ROBO2: variants seen among roughly 807,000 people sequenced by gnomAD.
The protein encoded by ROBO2 is roundabout guidance receptor 2, also known as roundabout homolog 2.
Under a neutral mutation model 160.8 loss-of-function variants are expected in ROBO2, and 53 were observed. That is an observed-to-expected ratio of 0.33 (90% confidence interval 0.26 to 0.41). ROBO2 has a LOEUF of 0.41. Ranked by LOEUF, ROBO2 falls within the 10% of genes least tolerant of loss-of-function variation. The pLI is 1.00. For synonymous variants in ROBO2, 664 were observed against 611.7 expected (o/e 1.09, Z -1.26); for missense variants, 1,577 against 1,722.4 (o/e 0.92, Z 1.49).
intron 2 of ROBO2, among the ~76,000 whole-genome samples, chr3:76,999,528 A>G (rs2061225445): frequency 6.6e-6 from 1 of 152,146 alleles, no homozygotes; most frequent in Admixed American, 6.6e-5. Flanking sequence ...AAATAACATT[A>G]CACAGTTTAG....
Position 76,708,568 on chromosome 3 carries a change from A to G in ROBO2, c.110-389446A>G, listed in dbSNP as rs58716914. On this transcript the variant is annotated intron_variant, in intron 2 of 26. Transcript: ENST00000487694. Reference sequence around the variant, plus strand: ...AACAGTACACTGTCATCCAGGACACATACGTCACTGCATCAGGTATTAACT... The same window carrying G: ...AACAGTACACTGTCATCCAGGACACGTACGTCACTGCATCAGGTATTAACT... Among the ~76,000 whole-genome samples the G allele has an allele frequency of 8.2e-3, 1,252 of 152,322 alleles. 12 individuals are homozygous for G. Among genetic ancestry groups the G allele is most frequent in the African/African-American group, 0.028 (1,171 of 41,582 alleles).
intron 2 of ROBO2, among the ~76,000 whole-genome samples, chr3:76,544,598 T>G (rs901515975): frequency 1.4e-4 from 22 of 152,044 alleles, no homozygotes; most frequent in Admixed American, 1.4e-3. Flanking sequence ...CCCATATTTG[T>G]AGACTAGTTC....
chr3:76,000,083 G>A (rs564558142), intron 2 of ROBO2, among the ~76,000 whole-genome samples: 3 of 152,198 alleles, frequency 2.0e-5, no homozygotes, highest in Admixed American at 1.3e-4. Flanking sequence ...ACAGTTCCAC[G>A]TGGCTGGGAT....
At chr3:77,647,873 C>T (rs895139813) in exon 26 of ROBO2, 1 of 152,100 alleles carries the variant, frequency 6.6e-6, no homozygotes, top group African/African-American at 2.4e-5. Flanking sequence ...ATTTTTGTCA[C>T]GTCGTTATAA....
intron 2 of ROBO2, among the ~76,000 whole-genome samples, chr3:76,791,967 G>GTT (rs1297268413): frequency 1.3e-5 from 2 of 151,802 alleles, no homozygotes; most frequent in Non-Finnish European, 2.9e-5. Flanking sequence ...ATGTGCAAAG[G>GTT]TTATATGCAA....
chr3:77,251,106 G>T (rs2090295319), intron 2 of ROBO2, among the ~76,000 whole-genome samples: 1 of 152,078 alleles, frequency 6.6e-6, no homozygotes, highest in African/African-American at 2.4e-5. Flanking sequence ...ACTAGGCATT[G>T]CCTTAGTAGG....
intron 2 of ROBO2, among the ~76,000 whole-genome samples, chr3:76,436,309 C>G (rs893553556): frequency 6.6e-6 from 1 of 152,162 alleles, no homozygotes; most frequent in African/African-American, 2.4e-5. Flanking sequence ...ATACACACAC[C>G]ATTTCAAGGA....
intron 2 of ROBO2, among the ~76,000 whole-genome samples, chr3:77,389,846 A>G (rs1162694535): frequency 1.3e-5 from 2 of 151,812 alleles, no homozygotes; most frequent in Non-Finnish European, 2.9e-5. Context: ...TCTCACCCCC[A>G]CCTGGTATGG....
At chr3:77,133,133 G>A (rs961011432) in intron 2 of ROBO2, among the ~76,000 whole-genome samples, 1 of 152,096 alleles carries the variant, frequency 6.6e-6, no homozygotes, top group African/African-American at 2.4e-5. Flanking sequence ...ACATTGTGTG[G>A]CAATTATGGT....
intron 2 of ROBO2, among the ~76,000 whole-genome samples, chr3:76,422,841 G>A (rs1021709609): frequency 4.6e-5 from 7 of 152,222 alleles, no homozygotes; most frequent in Non-Finnish European, 8.8e-5. Flanking sequence ...ATCTTATTTC[G>A]AAGGAGAAAT....
At chr3:77,333,791 T>C (rs2066215201) in intron 2 of ROBO2, among the ~76,000 whole-genome samples, 1 of 152,216 alleles carries the variant, frequency 6.6e-6, no homozygotes, top group South Asian at 2.1e-4. Flanking sequence ...GAGTAATTAC[T>C]TATAGCTTAG....
At chr3:76,762,461 T>TA (rs1373226441) in intron 2 of ROBO2, among the ~76,000 whole-genome samples, 1 of 145,642 alleles carries the variant, frequency 6.9e-6, no homozygotes, top group Non-Finnish European at 1.5e-5. Flanking sequence ...TTTTTTTTTT[T>TA]AACATGAGTG....
intron 8 of ROBO2, among the ~76,000 whole-genome samples, chr3:77,553,492 G>A (rs1465997943): frequency 6.6e-6 from 1 of 151,948 alleles, no homozygotes; most frequent in Non-Finnish European, 1.5e-5. Context: ...AGTTTAGTGA[G>A]GAAGGCATGT....
intron 2 of ROBO2, among the ~76,000 whole-genome samples, chr3:76,038,528 C>A (rs2067185086): frequency 6.6e-6 from 1 of 151,944 alleles, no homozygotes; most frequent in South Asian, 2.1e-4. Context: ...TAGGAAGGCA[C>A]AGTCTACCCG....
At chr3:76,383,522 TG>T (rs1163422733) in intron 2 of ROBO2, among the ~76,000 whole-genome samples, 4 of 152,244 alleles carry the variant, frequency 2.6e-5, no homozygotes, top group Non-Finnish European at 5.9e-5. Context: ...ACTTTTTATA[TG>T]TTTTTCCTGA....
At chr3:76,939,379 A>G (rs72900152) in intron 2 of ROBO2, among the ~76,000 whole-genome samples, 1 of 152,200 alleles carries the variant, frequency 6.6e-6, no homozygotes, top group Non-Finnish European at 1.5e-5. Flanking sequence ...CTGATGAGTG[A>G]AACATTCTGA....
intron 2 of ROBO2, among the ~76,000 whole-genome samples, chr3:77,221,915 C>T (rs542305644): frequency 3.4e-5 from 5 of 147,268 alleles, no homozygotes; most frequent in South Asian, 4.3e-4. Flanking sequence ...TGCAGTGGCA[C>T]GATCTCGGCT....
At chr3:76,934,447 GA>G (rs971808486) in intron 2 of ROBO2, among the ~76,000 whole-genome samples, 4 of 150,880 alleles carry the variant, frequency 2.7e-5, no homozygotes, top group East Asian at 1.9e-4. Context: ...TTCAATTAAA[GA>G]AAAAAAAACT....
chr3:77,142,837 T>G (rs1460045182), intron 2 of ROBO2, among the ~76,000 whole-genome samples: 3 of 152,144 alleles, frequency 2.0e-5, no homozygotes, highest in African/African-American at 4.8e-5. Flanking sequence ...ACATACAGAG[T>G]TCTGTTCCAG....
Sources: gnomAD v4.1 joint callset for allele counts (sites outside exome capture counted in the v4.1 genomes callset) on GRCh38, gnomAD v4.1.1 for gene constraint, MANE v1.5 for transcripts, NCBI Gene and HGNC (gene_info 2026-07-23, HGNC 2026-07-21) for gene names.